Variants in SEMA4D observed in about 807,000 individuals in gnomAD.
The protein encoded by SEMA4D is semaphorin 4D.
SEMA4D carries 22 observed loss-of-function variants against 74.8 expected under a neutral mutation model. The ratio of observed to expected loss-of-function variants is 0.29; its 90% CI spans 0.21 to 0.42. The LOEUF (loss-of-function observed/expected upper bound fraction) is 0.42. Ranked by LOEUF, SEMA4D falls within the 10% of genes least tolerant of loss-of-function variation. The pLI is 1.00. For synonymous variants in SEMA4D, 445 were observed against 463.7 expected, an observed-to-expected ratio of 0.96 and a Z score of 0.52; for missense variants, 937 against 1,118.4, an observed-to-expected ratio of 0.84 and a Z score of 2.31.
chr9:89,450,659 G>GAAAAAAAAAAAAAAAAAAAAA lies in SEMA4D; in HGVS notation c.-244+5228_-244+5229insTTTTTTTTTTTTTTTTTTTTT, dbSNP rs1564832883. On this transcript the variant is annotated intron_variant, in intron 2 of 15. Transcript: ENST00000422704. The stretch of plus-strand genomic sequence containing the variant: ...AGAGTTCTGCAAGTCGAAAAACCCA[G>GAAAAAAAAAAAAAAAAAAAAA]GAAAAAAAAAAAAAAAAAAAAAAAA... 149 of 421,224 alleles carry GAAAAAAAAAAAAAAAAAAAAA rather than the reference G, an allele frequency of 3.5e-4. 33 individuals carry two copies. The highest frequency in any genetic ancestry group is 4.1e-4 in the Non-Finnish European group (104 of 254,362). The allele number at this position is 421,224 out of a possible 1,614,324, so 26.1% of individuals were successfully genotyped here.
intron 1 of SEMA4D, among the ~76,000 whole-genome samples, chr9:89,459,230 C>G (rs1159615752): frequency 1.3e-5 from 2 of 151,296 alleles, no homozygotes; most frequent in East Asian, 3.8e-4. Flanking sequence ...CCAGTTGGAG[C>G]CCCAGTCCGG....
Position 89,381,154 on chromosome 9 carries a change from C to G in SEMA4D, c.1619+20G>C. 1.2e-6 allele frequency: 2 copies of G among 1,614,146 alleles called. No homozygotes were observed. Among genetic ancestry groups the G allele is most frequent in the Non-Finnish European group, 1.7e-6 (2 of 1,180,026 alleles). On this transcript the variant is annotated intron_variant, in intron 14 of 15. Transcript: ENST00000422704. The surrounding 1 kb of genome is among the most constrained non-coding windows in gnomAD (Gnocchi z 4.6). ...CACACACATGGGGGACATCCCCAGG[C>G]AGCGCATCCCGCCCCATACCTGCTG... is the stretch of plus-strand genomic sequence containing the variant.
At chr9:89,387,312 G>C (rs1030970885) in intron 12 of SEMA4D, 74 bp downstream of exon 12, 1 of 1,287,842 alleles carries the variant, frequency 7.8e-7, no homozygotes, top group East Asian at 2.3e-5. Context: ...AAGAATAATT[G>C]GATTTCCCAG....
intron 16 of SEMA4D, among the ~76,000 whole-genome samples, chr9:89,366,048 G>A (rs1358906711): frequency 6.6e-6 from 1 of 152,176 alleles, no homozygotes; most frequent in African/African-American, 2.4e-5. Context: ...GGCAAGGATG[G>A]GCCCAGTGAA....
rs1234389318 is a variant in SEMA4D at position 89,387,733 on chromosome 9, T to C, written c.1108-125A>G. On this transcript the variant is annotated intron_variant, in intron 11 of 15. Coordinates refer to ENST00000422704, the MANE Select transcript of SEMA4D (RefSeq NM_001371194.2). Reference sequence around the variant, plus strand: ...AAACCACACAATGCATGCCTTGAAATGAGGGTAGCAGTGAATAACTTTACT... The same window carrying C: ...AAACCACACAATGCATGCCTTGAAACGAGGGTAGCAGTGAATAACTTTACT... 4.0e-6 allele frequency: 3 copies of C among 748,482 alleles called. No individual in the cohort carries two copies. In the South Asian group the frequency reaches 5.1e-5, roughly 13 times the overall value. The allele number at this position is 748,482 out of a possible 1,614,324, so 46.4% of individuals were successfully genotyped here.
At chr9:89,495,678 C>T (rs565614494) in intron 1 of SEMA4D, among the ~76,000 whole-genome samples, 20 of 152,274 alleles carry the variant, frequency 1.3e-4, no homozygotes, top group Non-Finnish European at 2.4e-4. Context: ...AATCAGCCGA[C>T]GGCACGTTTA....
intron 16 of SEMA4D, among the ~76,000 whole-genome samples, chr9:89,365,914 C>T (rs1324325925): frequency 2.0e-5 from 3 of 152,206 alleles, no homozygotes; most frequent in Admixed American, 1.3e-4. Flanking sequence ...GTGGCATCTG[C>T]TCATCTTTGT....
rs575209730 is a variant in SEMA4D at position 89,387,441 on chromosome 9, C to T, written c.1275G>A (p.Val425=). 157 of 1,614,236 alleles carry T rather than the reference C, an allele frequency of 9.7e-5. No homozygotes were observed. In the South Asian group the frequency reaches 1.6e-3, roughly 17 times the overall value. The change falls in exon 12 of 16, where the codon GTG becomes GTA. Residue 425 remains valine (V), a synonymous_variant. Transcript: ENST00000422704. ...TCCCATCCAGGGCCTGGGTCCGGTC[C>T]ACCACGATCTGGGTGTAGTTCACAT... is the stretch of plus-strand genomic sequence containing the variant. ...KKDVNYTQIV[V]DRTQALDGTV...
chr9:89,448,644 G>A (rs1433756771), intron 2 of SEMA4D, among the ~76,000 whole-genome samples: 1 of 152,228 alleles, frequency 6.6e-6, no homozygotes, highest in Non-Finnish European at 1.5e-5. Context: ...ACATAGATGA[G>A]AATGTGTCAG....
At chr9:89,414,479 A>G (rs3924245) in intron 2 of SEMA4D, among the ~76,000 whole-genome samples, 149,532 of 152,260 alleles carry the variant, frequency 0.98, 73,536 homozygotes, top group Non-Finnish European at 1. Flanking sequence ...AGAAGACACC[A>G]CAGCCCTCAC....
rs371922026 is a variant in SEMA4D at position 89,378,682 on chromosome 9, C to A, written c.*22G>T. The A allele has an allele frequency of 1.9e-6, 3 of 1,590,632 alleles. No individual in the cohort carries two copies. The highest frequency in any genetic ancestry group is 2.7e-5 in the African/African-American group (2 of 74,484). On this transcript the variant is annotated 3_prime_UTR_variant, in exon 16 of 16. Coordinates refer to ENST00000422704, the MANE Select transcript of SEMA4D (RefSeq NM_001371194.2). Reference sequence around the variant, plus strand: ...CCTGGACACGTCGCAGCCGAGGCACCAGCGGGGATGCACAGCCGGCCTCAG... The same window carrying A: ...CCTGGACACGTCGCAGCCGAGGCACAAGCGGGGATGCACAGCCGGCCTCAG...
At chr9:89,388,464 C>G (rs989754437) in intron 11 of SEMA4D, among the ~76,000 whole-genome samples, 172 bp downstream of exon 11, 1 of 152,264 alleles carries the variant, frequency 6.6e-6, no homozygotes, top group Non-Finnish European at 1.5e-5. Context: ...TGTTACGTAA[C>G]ATGCAAAAGG....
chr9:89,451,326 C>G (rs571924435), intron 2 of SEMA4D, among the ~76,000 whole-genome samples: 1 of 152,148 alleles, frequency 6.6e-6, no homozygotes, highest in Non-Finnish European at 1.5e-5. Flanking sequence ...GGAGCTGGAG[C>G]CTTCACTTAT....
At chr9:89,363,878 T>C (rs1303916379) in exon 17 of SEMA4D, 1 of 1,614,144 alleles carries the variant, frequency 6.2e-7, no homozygotes, top group Non-Finnish European at 8.5e-7. Flanking sequence ...GGGCAGTGCA[T>C]GGGTCTGCAC....
intron 2 of SEMA4D, among the ~76,000 whole-genome samples, chr9:89,421,790 CGTGTGTGTGCGT>C (rs1564719403): frequency 6.6e-6 from 1 of 150,932 alleles, no homozygotes; most frequent in Non-Finnish European, 1.5e-5. Context: ...GGTGTGTGAC[CGTGTGTGTGCGT>C]GTGTGTGTGT....
chr9:89,371,111 GGGGGGGTGTGGTGTGTATGTC>G (rs1834591974), intron 16 of SEMA4D, among the ~76,000 whole-genome samples: 1 of 3,320 alleles, frequency 3.0e-4, no homozygotes, highest in East Asian at 6.1e-3. Context: ...AGGTGTGTGT[GGGGGGGTGTGGTGTGTATGTC>G]TGGGGTGTGG....
In SEMA4D at chr9:89,380,042, C is replaced by CT. The variant is rs542451659; in HGVS notation, c.1664-414dup. On this transcript the variant is annotated intron_variant, in intron 15 of 15. Transcript: ENST00000422704. ...TCCTGCCTAAACTTTTCTTTTTTTTCTTTTTTTTGAAACAGGGTCTGGCTC... is the reference window on the plus strand; with the variant it reads ...TCCTGCCTAAACTTTTCTTTTTTTTCTTTTTTTTTGAAACAGGGTCTGGCTC... Among the ~76,000 whole-genome samples the CT allele has an allele frequency of 4.8e-3, 727 of 151,826 alleles. 4 individuals carry two copies. Among genetic ancestry groups the CT allele is most frequent in the African/African-American group, 0.016 (677 of 41,384 alleles).
chr9:89,489,024 T>C (rs1588198523), intron 1 of SEMA4D, among the ~76,000 whole-genome samples: 1 of 152,276 alleles, frequency 6.6e-6, no homozygotes, highest in East Asian at 1.9e-4. Flanking sequence ...AAATAGCTAA[T>C]AAGCACATGA....
intron 16 of SEMA4D, among the ~76,000 whole-genome samples, chr9:89,369,693 C>A (rs1405657129): frequency 6.6e-6 from 1 of 152,230 alleles, no homozygotes; most frequent in African/African-American, 2.4e-5. Context: ...TCTGAGTGAT[C>A]CATGAGGAAC....
Sources: allele counts gnomAD v4.1 joint callset (sites outside exome capture counted in the v4.1 genomes callset), GRCh38; gene constraint gnomAD v4.1.1; non-coding constraint Gnocchi (gnomAD v3.1); transcripts MANE v1.5; gene names NCBI Gene and HGNC (gene_info 2026-07-23, HGNC 2026-07-21).